The following TENM2 variants were observed in gnomAD, a reference collection of about 807,000 sequenced individuals.
TENM2 encodes teneurin transmembrane protein 2.
Under a neutral mutation model 245.2 loss-of-function variants are expected in TENM2, and 52 were observed. The observed-to-expected ratio is 0.21, with a 90% CI of 0.17 to 0.27. The LOEUF is 0.27. Ranked by LOEUF, TENM2 falls within the 10% of genes least tolerant of loss-of-function variation. The pLI, the probability that TENM2 is intolerant of heterozygous loss-of-function variation, is 1.00. For missense variants in TENM2, 3,046 were observed against 3,666.8 expected (o/e 0.83, Z 4.37); for synonymous variants, 1,363 against 1,438.9 (o/e 0.95, Z 1.19).
intron 2 of TENM2, among the ~76,000 whole-genome samples, chr5:167,439,581 G>A (rs1277092797): frequency 6.6e-6 from 1 of 152,102 alleles, no homozygotes; most frequent in African/African-American, 2.4e-5. Context: ...TATATGCAGT[G>A]TATTATTAAT....
At chr5:167,218,437 T>C in the TENM2 span, among the ~76,000 whole-genome samples, 1 of 152,306 alleles carries the variant, frequency 6.6e-6, no homozygotes, top group East Asian at 1.9e-4. Flanking sequence ...TCAAAAAGTT[T>C]TTGTGTTTTC....
chr5:168,029,946 T>C (rs1205718161), intron 5 of TENM2, among the ~76,000 whole-genome samples: 2 of 152,108 alleles, frequency 1.3e-5, no homozygotes. Context: ...CTGACAGAGT[T>C]GGATGGGAGT....
intron 2 of TENM2, among the ~76,000 whole-genome samples, chr5:167,785,162 G>C (rs993924122): frequency 5.3e-5 from 8 of 152,152 alleles, no homozygotes; most frequent in African/African-American, 1.7e-4. Flanking sequence ...TGATGTACTT[G>C]TAGAGTTTTT....
chr5:167,405,932 C>G (rs1156698514), intron 2 of TENM2, among the ~76,000 whole-genome samples: 1 of 152,008 alleles, frequency 6.6e-6, no homozygotes, highest in East Asian at 1.9e-4. Flanking sequence ...CCAAACTAAG[C>G]CATTTTACAT....
intron 12 of TENM2, among the ~76,000 whole-genome samples, chr5:168,156,519 C>G (rs1185899102): frequency 6.6e-6 from 1 of 152,174 alleles, no homozygotes; most frequent in East Asian, 1.9e-4. Context: ...TTATTAGCCA[C>G]TTATTTCTAC....
chr5:167,043,740 G>A, the TENM2 span, among the ~76,000 whole-genome samples: 8 of 152,170 alleles, frequency 5.3e-5, no homozygotes, highest in African/African-American at 1.2e-4. Flanking sequence ...AGCCGGGCGC[G>A]GTGGCTCACG....
the TENM2 span, among the ~76,000 whole-genome samples, chr5:167,151,851 T>C: frequency 6.6e-6 from 1 of 152,172 alleles, no homozygotes; most frequent in East Asian, 1.9e-4. Flanking sequence ...TTAAACCCTT[T>C]GGTAATGTGC....
chr5:167,851,919 AT>A (rs1176347296), intron 2 of TENM2, among the ~76,000 whole-genome samples: 2 of 152,154 alleles, frequency 1.3e-5, no homozygotes, highest in Non-Finnish European at 2.9e-5. Flanking sequence ...TTATCCTATA[AT>A]TTTTTTAAAG....
At chr5:167,132,009 G>A in the TENM2 span, among the ~76,000 whole-genome samples, 2 of 152,072 alleles carry the variant, frequency 1.3e-5, no homozygotes, top group South Asian at 2.1e-4. Flanking sequence ...TTTTAGTGGA[G>A]ACGGGGTTTC....
intron 3 of TENM2, among the ~76,000 whole-genome samples, chr5:167,876,942 TG>T (rs1773474936): frequency 6.6e-6 from 1 of 152,154 alleles, no homozygotes; most frequent in East Asian, 1.9e-4. Context: ...GAATCTTGGG[TG>T]GAATTGCCCT....
intron 2 of TENM2, among the ~76,000 whole-genome samples, chr5:167,710,274 A>G (rs2150480253): frequency 6.6e-6 from 1 of 152,330 alleles, no homozygotes; most frequent in Admixed American, 6.5e-5. Flanking sequence ...TTCAGTGAAT[A>G]CATACTATTT....
chr5:167,411,886 C>T lies in TENM2; in HGVS notation c.502+36413C>T, dbSNP rs560451289. Reference sequence around the variant, plus strand: ...GTCTAAATACATTTGTGTTGACTGACTGCTGATCAAACTACATGTGTGCGG... The same window carrying T: ...GTCTAAATACATTTGTGTTGACTGATTGCTGATCAAACTACATGTGTGCGG... On this transcript the variant is annotated intron_variant, in intron 2 of 28. Coordinates refer to ENST00000518659, the Ensembl canonical transcript of TENM2. Among the ~76,000 whole-genome samples the T allele has an allele frequency of 4.8e-3, 595 of 124,906 alleles. 2 individuals carry two copies. The highest frequency in any genetic ancestry group is 0.026 in the East Asian group (109 of 4,130). The allele number at this position is 124,906 out of a possible 152,430, so 81.9% of individuals were successfully genotyped here. A position where few individuals can be genotyped will look rare whatever the true frequency, so the allele number is the denominator to read the frequency against.
chr5:167,819,081 T>TGC (rs1212116098), intron 2 of TENM2, among the ~76,000 whole-genome samples: 1 of 151,440 alleles, frequency 6.6e-6, no homozygotes, highest in Non-Finnish European at 1.5e-5. Flanking sequence ...TGTGTGTGTG[T>TGC]GTGCGTGCGC....
At chr5:167,648,844 T>C (rs763638935) in intron 2 of TENM2, among the ~76,000 whole-genome samples, 3 of 152,316 alleles carry the variant, frequency 2.0e-5, no homozygotes, top group African/African-American at 7.2e-5. Context: ...TCAAAATGCC[T>C]GTACTTTGTT....
the TENM2 span, among the ~76,000 whole-genome samples, chr5:167,236,522 G>GTC: frequency 6.6e-6 from 1 of 152,308 alleles, no homozygotes; most frequent in South Asian, 2.1e-4. Context: ...CTTGGATTTT[G>GTC]TCTCTGGGTC....
chr5:167,363,835 G>C (rs915997515), intron 1 of TENM2, among the ~76,000 whole-genome samples: 3 of 151,128 alleles, frequency 2.0e-5, no homozygotes, highest in Admixed American at 2.0e-4. Context: ...GACCTTTAAA[G>C]TTTTAAAACA....
At chr5:167,776,163 A>ACACACACT in intron 2 of TENM2, among the ~76,000 whole-genome samples, 1 of 149,478 alleles carries the variant, frequency 6.7e-6, no homozygotes, top group Non-Finnish European at 1.5e-5. Flanking sequence ...AAAAAAATCC[A>ACACACACT]CACACACACA....
Position 168,127,104 on chromosome 5 carries a change from G to T in TENM2, c.2422+138G>T, listed in dbSNP as rs1795907623. The stretch of plus-strand genomic sequence containing the variant: ...AAATCTCCCAGGGGATAGGGAAGGA[G>T]AAAAATGAGGTCCCTAATTGGGAAG... On this transcript the variant is annotated intron_variant, in intron 12 of 28. Coordinates refer to ENST00000518659, the Ensembl canonical transcript of TENM2. 30 of 733,952 alleles carry T rather than the reference G, an allele frequency of 4.1e-5. No individual in the cohort carries two copies. The East Asian group carries it at 7.9e-4, about 19-fold the overall frequency. 45.5% of individuals were successfully genotyped at this position (733,952 alleles called of 1,614,324 possible). A position where few individuals can be genotyped will look rare whatever the true frequency, so the allele number is the denominator to read the frequency against.
the TENM2 span, among the ~76,000 whole-genome samples, chr5:167,111,064 G>A: frequency 6.6e-6 from 1 of 152,010 alleles, no homozygotes; most frequent in Non-Finnish European, 1.5e-5. Context: ...AAAGAATTTT[G>A]ACTAACAAAA....
Sources: gnomAD v4.1 joint callset for allele counts (sites outside exome capture counted in the v4.1 genomes callset) on GRCh38, gnomAD v4.1.1 for gene constraint, MANE v1.5 for transcripts, NCBI Gene and HGNC (gene_info 2026-07-23, HGNC 2026-07-21) for gene names.